Variants in GPC6 observed in about 807,000 individuals in gnomAD.
The protein encoded by GPC6 is glypican-6.
GPC6 carries 14 observed loss-of-function variants against 55.2 expected under a neutral mutation model. The observed-to-expected ratio is 0.25, with a 90% CI of 0.17 to 0.40. The LOEUF is 0.40. Among genes scored for constraint, GPC6 ranks in the 10% least tolerant of loss-of-function variants. The probability of loss-of-function intolerance (pLI) is 1.00; values close to 1 mark genes in which losing one functional copy is unlikely to be tolerated. For synonymous variants in GPC6, 278 were observed against 259.6 expected, an observed-to-expected ratio of 1.07 and a Z score of -0.68; for missense variants, 641 against 708.5, an observed-to-expected ratio of 0.90 and a Z score of 1.08.
intron 3 of GPC6, among the ~76,000 whole-genome samples, chr13:93,925,271 C>A (rs1158411835): frequency 2.0e-5 from 3 of 152,046 alleles, no homozygotes; most frequent in African/African-American, 7.2e-5. Flanking sequence ...ACTCCAAAGT[C>A]TTTTCTATTT....
intron 1 of GPC6, among the ~76,000 whole-genome samples, chr13:93,481,530 C>A (rs896750965): frequency 8.6e-5 from 13 of 151,992 alleles, no homozygotes; most frequent in African/African-American, 2.9e-4. Flanking sequence ...CTCTTGTTTT[C>A]TTATATGAGT....
chr13:93,881,540 A>G (rs893821307), intron 3 of GPC6, among the ~76,000 whole-genome samples: 1 of 152,052 alleles, frequency 6.6e-6, no homozygotes, highest in Non-Finnish European at 1.5e-5. Context: ...TTACTGGACA[A>G]TGATTACTTG....
chr13:93,474,687 A>G (rs910470808), intron 1 of GPC6, among the ~76,000 whole-genome samples: 4 of 152,160 alleles, frequency 2.6e-5, no homozygotes, highest in Admixed American at 6.5e-5. Flanking sequence ...CTACTCTTCC[A>G]TATACTGTGT....
At chr13:94,397,125 T>G (rs978971957) in intron 7 of GPC6, among the ~76,000 whole-genome samples, 1 of 152,084 alleles carries the variant, frequency 6.6e-6, no homozygotes. Flanking sequence ...TTTTGAAAAC[T>G]AATCATACAG....
At chr13:93,961,004 C>CG (rs974061783) in intron 3 of GPC6, among the ~76,000 whole-genome samples, 1 of 151,692 alleles carries the variant, frequency 6.6e-6, no homozygotes, top group African/African-American at 2.4e-5. Context: ...TTAGTAGAGG[C>CG]GGGGTTTCAC....
intron 6 of GPC6, among the ~76,000 whole-genome samples, chr13:94,339,429 G>A (rs1185572116): frequency 6.6e-6 from 1 of 152,084 alleles, no homozygotes; most frequent in Non-Finnish European, 1.5e-5. Context: ...TAAGTTACGC[G>A]ATGTAACTTA....
chr13:94,377,073 A>G (rs1212384846), intron 6 of GPC6, among the ~76,000 whole-genome samples: 1 of 149,954 alleles, frequency 6.7e-6, no homozygotes, highest in Non-Finnish European at 1.5e-5. Flanking sequence ...AGACTTAAAC[A>G]TTAGACCTAA....
At chr13:94,057,021 G>A (rs1232675457) in intron 4 of GPC6, among the ~76,000 whole-genome samples, 4 of 152,132 alleles carry the variant, frequency 2.6e-5, no homozygotes, top group African/African-American at 9.6e-5. Flanking sequence ...CCATGGCATG[G>A]TTTATTGAAA....
chr13:93,424,477 G>A (rs533927740), intron 1 of GPC6, among the ~76,000 whole-genome samples: 6 of 152,154 alleles, frequency 3.9e-5, no homozygotes, highest in South Asian at 2.1e-4. Context: ...ATCCTGATGC[G>A]GGGATCTGAA....
At chr13:93,280,860 G>C (rs1877926158) in intron 1 of GPC6, among the ~76,000 whole-genome samples, 1 of 152,164 alleles carries the variant, frequency 6.6e-6, no homozygotes, top group African/African-American at 2.4e-5. Context: ...CCACAGCCTA[G>C]ATCCCTTGCA....
chr13:94,002,287 G>A (rs1014399797), intron 3 of GPC6, among the ~76,000 whole-genome samples: 3 of 152,034 alleles, frequency 2.0e-5, no homozygotes, highest in South Asian at 2.1e-4. Flanking sequence ...CTGCCGTGTC[G>A]GTCAATACCC....
chr13:93,495,659 C>A (rs2139364170), intron 1 of GPC6, among the ~76,000 whole-genome samples: 1 of 114,728 alleles, frequency 8.7e-6, no homozygotes, highest in African/African-American at 3.3e-5. Flanking sequence ...GTGGTTTTAT[C>A]TACTTTTGGT....
chr13:93,289,455 G>C (rs765186950), intron 1 of GPC6, among the ~76,000 whole-genome samples: 2 of 152,070 alleles, frequency 1.3e-5, no homozygotes, highest in Non-Finnish European at 2.9e-5. Flanking sequence ...AACAAAAGAG[G>C]CATTTAAAAG....
chr13:93,468,663 A>G (rs1159130499), intron 1 of GPC6, among the ~76,000 whole-genome samples: 3 of 152,168 alleles, frequency 2.0e-5, no homozygotes, highest in African/African-American at 7.2e-5. Flanking sequence ...AGCCCTAGAG[A>G]AGAGCATGCA....
chr13:94,313,239 AT>A (rs1176438028), intron 6 of GPC6, among the ~76,000 whole-genome samples: 1 of 152,238 alleles, frequency 6.6e-6, no homozygotes, highest in Non-Finnish European at 1.5e-5. Context: ...AGTGGGGAAC[AT>A]CATAAGACAC....
At chr13:94,121,108 CAG>C (rs1425867719) in intron 4 of GPC6, among the ~76,000 whole-genome samples, 1 of 152,070 alleles carries the variant, frequency 6.6e-6, no homozygotes, top group African/African-American at 2.4e-5. Context: ...AGATCTAGTG[CAG>C]AGTCTTTCAG....
chr13:94,040,257 G>T (rs1362706914), intron 4 of GPC6, among the ~76,000 whole-genome samples: 1 of 151,728 alleles, frequency 6.6e-6, no homozygotes, highest in Non-Finnish European at 1.5e-5. Context: ...ATATCACAAA[G>T]CAGCCCCTTG....
chr13:94,271,280 C>T (rs552553246), intron 4 of GPC6, among the ~76,000 whole-genome samples: 15 of 151,384 alleles, frequency 9.9e-5, no homozygotes, highest in East Asian at 7.8e-4. Flanking sequence ...CATGAGCCAC[C>T]GCACCTGGCC....
chr13:93,854,215 T>C (rs2139016723), intron 3 of GPC6, among the ~76,000 whole-genome samples: 2 of 151,716 alleles, frequency 1.3e-5, no homozygotes, highest in East Asian at 1.9e-4. Flanking sequence ...GTCTCTTTCA[T>C]AAACACTGAG....
Sources: allele counts gnomAD v4.1 joint callset (sites outside exome capture counted in the v4.1 genomes callset), GRCh38; gene constraint gnomAD v4.1.1; transcripts MANE v1.5; gene names NCBI Gene and HGNC (gene_info 2026-07-23, HGNC 2026-07-21).